The following CDK19 variants were observed in gnomAD, a reference collection of about 807,000 sequenced individuals.
CDK19 encodes the protein cyclin-dependent kinase 19.
CDK19 carries 20 observed loss-of-function variants against 68.3 expected under a neutral mutation model. That is an observed-to-expected ratio of 0.29 (90% CI 0.21 to 0.43). The LOEUF is 0.43. Ranked by LOEUF, CDK19 falls within the 20% of genes least tolerant of loss-of-function variation. The probability of loss-of-function intolerance (pLI) is 1.00; values close to 1 mark genes in which losing one functional copy is unlikely to be tolerated. For synonymous variants in CDK19, 221 were observed against 222.8 expected, an observed-to-expected ratio of 0.99 and a Z score of 0.07; for missense variants, 339 against 623.5, an observed-to-expected ratio of 0.54 and a Z score of 4.86.
At chr6:110,797,435 T>C (rs1782018571) in intron 1 of CDK19, among the ~76,000 whole-genome samples, 1 of 152,252 alleles carries the variant, frequency 6.6e-6, no homozygotes, top group Non-Finnish European at 1.5e-5. Flanking sequence ...TACTCTGATC[T>C]CATGTTTTGA....
At chr6:110,701,209 A>AAATT (rs926971521) in intron 2 of CDK19, among the ~76,000 whole-genome samples, 2 of 150,006 alleles carry the variant, frequency 1.3e-5, no homozygotes, top group Non-Finnish European at 3.0e-5. Context: ...ATCTCAAAAA[A>AAATT]AATTAATTAA....
chr6:110,734,520 G>GCTCTCT (rs34004722), intron 2 of CDK19, among the ~76,000 whole-genome samples: 5,739 of 85,678 alleles, frequency 0.067, 712 homozygotes, highest in African/African-American at 0.082. Context: ...GGTGAGCACT[G>GCTCTCT]CTCTCTCTCT....
intron 5 of CDK19, among the ~76,000 whole-genome samples, chr6:110,635,626 G>A (rs559941949): frequency 2.6e-5 from 4 of 152,130 alleles, no homozygotes; most frequent in East Asian, 1.9e-4. Context: ...TGCAACCTCC[G>A]CCTCCCGGGT....
intron 1 of CDK19, among the ~76,000 whole-genome samples, chr6:110,809,444 A>G (rs908528386): frequency 7.9e-5 from 12 of 152,162 alleles, no homozygotes; most frequent in African/African-American, 2.9e-4. Context: ...ACTTGAGCCC[A>G]GGAGTTCAAG....
intron 1 of CDK19, chr6:110,814,514 C>T (rs1214721911): frequency 2.3e-6 from 1 of 441,114 alleles, no homozygotes; most frequent in East Asian, 7.1e-5. Context: ...AGCCGTGGGG[C>T]TGGCGAGGAC....
chr6:110,650,904 T>C (rs562013398), intron 4 of CDK19, among the ~76,000 whole-genome samples: 1 of 152,204 alleles, frequency 6.6e-6, no homozygotes, highest in Non-Finnish European at 1.5e-5. Flanking sequence ...TTCTGGCCTG[T>C]GCTTTGGCAG....
chr6:110,731,519 G>A (rs1279857324), intron 2 of CDK19, among the ~76,000 whole-genome samples: 1 of 152,220 alleles, frequency 6.6e-6, no homozygotes, highest in African/African-American at 2.4e-5. Context: ...GAATGAGACA[G>A]TGGTGATGGT....
At chr6:110,768,617 C>T (rs1779753973) in intron 1 of CDK19, among the ~76,000 whole-genome samples, 1 of 151,980 alleles carries the variant, frequency 6.6e-6, no homozygotes, top group African/African-American at 2.4e-5. Flanking sequence ...TTACAAAGTG[C>T]AAGAAGCCAA....
At chr6:110,751,497 G>A (rs972438317) in intron 1 of CDK19, among the ~76,000 whole-genome samples, 1 of 152,026 alleles carries the variant, frequency 6.6e-6, no homozygotes, top group African/African-American at 2.4e-5. Flanking sequence ...CAGGACTCCT[G>A]CTGATTCTAC....
chr6:110,797,270 G>A (rs528812828), intron 1 of CDK19, among the ~76,000 whole-genome samples: 2 of 152,112 alleles, frequency 1.3e-5, no homozygotes, highest in African/African-American at 4.8e-5. Flanking sequence ...AACCTGGGAG[G>A]CAAAGGTTGC....
At chr6:110,778,581 T>G (rs1248976978) in intron 1 of CDK19, among the ~76,000 whole-genome samples, 3 of 152,200 alleles carry the variant, frequency 2.0e-5, no homozygotes, top group Non-Finnish European at 4.4e-5. Context: ...TCACACGTAT[T>G]ACTACTTGGG....
At chr6:110,671,921 G>A (rs891846447) in intron 2 of CDK19, among the ~76,000 whole-genome samples, 2 of 152,088 alleles carry the variant, frequency 1.3e-5, no homozygotes, top group Non-Finnish European at 2.9e-5. Flanking sequence ...GGGATTACAG[G>A]TACGCACCAC....
chr6:110,760,896 A>G (rs1274245234), intron 1 of CDK19, among the ~76,000 whole-genome samples: 3 of 152,194 alleles, frequency 2.0e-5, no homozygotes, highest in South Asian at 4.1e-4. Flanking sequence ...TAGTCTGGCT[A>G]AAGAGTCTGT....
chr6:110,792,705 T>C (rs1781687613), intron 1 of CDK19, among the ~76,000 whole-genome samples: 1 of 152,218 alleles, frequency 6.6e-6, no homozygotes, highest in Non-Finnish European at 1.5e-5. Context: ...TTTATAACAA[T>C]TCATTACAGA....
At chr6:110,775,206 C>A (rs1780316999) in intron 1 of CDK19, among the ~76,000 whole-genome samples, 2 of 152,144 alleles carry the variant, frequency 1.3e-5, no homozygotes, top group African/African-American at 4.8e-5. Flanking sequence ...GATCACACCA[C>A]TGCACTCCAG....
At chr6:110,683,701 CT>C (rs200335188) in intron 2 of CDK19, among the ~76,000 whole-genome samples, 218 of 127,366 alleles carry the variant, frequency 1.7e-3, no homozygotes, top group Middle Eastern at 4.0e-3. Flanking sequence ...AGTATTTAAT[CT>C]TTTTTTTTTT....
At chr6:110,647,802 ATGT>A (rs1426907842) in intron 4 of CDK19, among the ~76,000 whole-genome samples, 1 of 152,196 alleles carries the variant, frequency 6.6e-6, no homozygotes, top group Non-Finnish European at 1.5e-5. Context: ...GGTCAATATA[ATGT>A]TGGTTGCAAA....
At chr6:110,769,152 C>CAA (rs536664282) in intron 1 of CDK19, among the ~76,000 whole-genome samples, 9,750 of 48,824 alleles carry the variant, frequency 0.2, 1,199 homozygotes, top group East Asian at 0.29. Flanking sequence ...GACTCTGTCT[C>CAA]AAAAAAAAAA....
At chr6:110,644,972 T>C (rs1188953798) in intron 4 of CDK19, among the ~76,000 whole-genome samples, 1 of 152,120 alleles carries the variant, frequency 6.6e-6, no homozygotes, top group African/African-American at 2.4e-5. Context: ...GAAAAATATA[T>C]ATATGAAGCA....
Sources: allele counts gnomAD v4.1 joint callset (sites outside exome capture counted in the v4.1 genomes callset), GRCh38; gene constraint gnomAD v4.1.1; transcripts MANE v1.5; gene names NCBI Gene and HGNC (gene_info 2026-07-23, HGNC 2026-07-21).